The following CMC1 variants were observed in gnomAD, a reference collection of about 807,000 sequenced individuals.
CMC1 encodes COX assembly mitochondrial protein homolog.
A neutral mutation model predicts 14.1 loss-of-function variants in CMC1; 14 were observed. That is an observed-to-expected ratio of 0.99 (90% CI 0.66 to 1.55). The LOEUF is 1.55. Among genes scored for constraint, CMC1 ranks in the 40% most tolerant of loss-of-function variants. The probability of loss-of-function intolerance (pLI) is 0.00; values close to 1 mark genes in which losing one functional copy is unlikely to be tolerated. For missense variants in CMC1, 127 were observed against 123.8 expected (o/e 1.03, Z -0.12); for synonymous variants, 50 against 38.4 (o/e 1.30, Z -1.12).
At chr3:28,276,952 G>A (rs1170666747) in intron 2 of CMC1, among the ~76,000 whole-genome samples, 2 of 152,146 alleles carry the variant, frequency 1.3e-5, no homozygotes, top group African/African-American at 2.4e-5. Flanking sequence ...GCTTCATTTT[G>A]TTACATTTAT....
At chr3:28,259,326 T>C (rs1335177891) in intron 1 of CMC1, among the ~76,000 whole-genome samples, 8 of 152,094 alleles carry the variant, frequency 5.3e-5, no homozygotes, top group African/African-American at 1.4e-4. Flanking sequence ...AATATTACTC[T>C]CTTAATGTAT....
chr3:28,284,522 T>C (rs529367930), intron 2 of CMC1, among the ~76,000 whole-genome samples: 30 of 152,276 alleles, frequency 2.0e-4, no homozygotes, highest in South Asian at 1.9e-3. Context: ...GCATTTTTTT[T>C]CCCAAAGCTT....
At chr3:28,283,792 A>G (rs1476829039) in intron 2 of CMC1, among the ~76,000 whole-genome samples, 1 of 152,182 alleles carries the variant, frequency 6.6e-6, no homozygotes, top group East Asian at 1.9e-4. Flanking sequence ...CTGCAGTTAC[A>G]GTGTCTGCTT....
At chr3:28,279,070 A>G (rs113436180) in intron 2 of CMC1, among the ~76,000 whole-genome samples, 7 of 152,212 alleles carry the variant, frequency 4.6e-5, no homozygotes, top group African/African-American at 1.4e-4. Flanking sequence ...TTCCTTCTGC[A>G]GAAAACTACT....
chr3:28,295,561 A>G (rs1042839536), intron 2 of CMC1, among the ~76,000 whole-genome samples: 3 of 151,670 alleles, frequency 2.0e-5, no homozygotes, highest in African/African-American at 2.4e-5. Context: ...AACTTCCTAC[A>G]CCCCTTAACT....
chr3:28,299,975 A>G (rs1199616275), intron 2 of CMC1, among the ~76,000 whole-genome samples: 3 of 152,188 alleles, frequency 2.0e-5, no homozygotes, highest in Non-Finnish European at 4.4e-5. Context: ...GTAAAATTGT[A>G]AATTCTTTAA....
intron 2 of CMC1, among the ~76,000 whole-genome samples, chr3:28,282,849 A>G (rs1577041444): frequency 6.6e-6 from 1 of 152,190 alleles, no homozygotes; most frequent in Non-Finnish European, 1.5e-5. Flanking sequence ...AACGAATTTA[A>G]CTCTAAGTTC....
intron 2 of CMC1, among the ~76,000 whole-genome samples, chr3:28,270,258 C>T (rs953394886): frequency 1.3e-5 from 2 of 152,084 alleles, no homozygotes; most frequent in African/African-American, 4.8e-5. Context: ...GATTTATATT[C>T]CTTTAGGTAT....
chr3:28,275,414 T>G (rs1316295049), intron 2 of CMC1, among the ~76,000 whole-genome samples: 3 of 151,250 alleles, frequency 2.0e-5, no homozygotes, highest in Non-Finnish European at 4.4e-5. Context: ...CAGACCCTAT[T>G]TACCTGTTTC....
intron 2 of CMC1, among the ~76,000 whole-genome samples, chr3:28,288,941 A>G (rs890826886): frequency 4.0e-5 from 6 of 151,740 alleles, no homozygotes; most frequent in African/African-American, 1.4e-4. Flanking sequence ...CAAATACATA[A>G]TCTTATCTTT....
chr3:28,269,750 G>A (rs888267815), intron 2 of CMC1, among the ~76,000 whole-genome samples: 1 of 152,164 alleles, frequency 6.6e-6, no homozygotes, highest in South Asian at 2.1e-4. Flanking sequence ...ATTTTTAGTA[G>A]AGATGGGGTT....
intron 2 of CMC1, among the ~76,000 whole-genome samples, chr3:28,277,858 T>G (rs1700659616): frequency 6.6e-6 from 1 of 152,128 alleles, no homozygotes; most frequent in Non-Finnish European, 1.5e-5. Context: ...GCAAAATGAT[T>G]GGAGGCAGAA....
chr3:28,313,966 C>G (rs565041110), intron 2 of CMC1, among the ~76,000 whole-genome samples: 5 of 152,184 alleles, frequency 3.3e-5, no homozygotes, highest in African/African-American at 1.2e-4. Flanking sequence ...TACCTTTCTA[C>G]CAAATATTAT....
Position 28,322,987 on chromosome 3 carries a change from CTTCT to C in CMC1, c.*3361_*3364del, listed in dbSNP as rs530162289. 1.3e-4 allele frequency: 20 copies of C among 150,450 alleles called. No homozygotes were observed. The highest frequency in any genetic ancestry group is 9.7e-4 in the East Asian group (5 of 5,138). 9.3% of individuals were successfully genotyped at this position (150,450 alleles called of 1,614,324 possible). A position where few individuals can be genotyped will look rare whatever the true frequency, so the allele number is the denominator to read the frequency against. On this transcript the variant is annotated 3_prime_UTR_variant, in exon 4 of 4. Coordinates refer to ENST00000466830, the MANE Select transcript of CMC1 (RefSeq NM_182523.2). ...TTCCATGTGAAGCCATCTTTATTTC[CTTCT>C]TTATTTCCAAATAATTGGCCACTTA...
At chr3:28,246,922 A>G (rs184652967) in intron 1 of CMC1, among the ~76,000 whole-genome samples, 105 of 151,904 alleles carry the variant, frequency 6.9e-4, no homozygotes, top group Non-Finnish European at 2.1e-4. Flanking sequence ...TACTGTAAGC[A>G]AGAGATTGCT....
chr3:28,272,152 G>T (rs144268556), intron 2 of CMC1, among the ~76,000 whole-genome samples: 1 of 152,118 alleles, frequency 6.6e-6, no homozygotes, highest in African/African-American at 2.4e-5. Flanking sequence ...CTAGATATAG[G>T]ATCATGTCAT....
intron 1 of CMC1, among the ~76,000 whole-genome samples, chr3:28,258,488 CTT>C (rs573808505): frequency 1.5e-5 from 2 of 137,646 alleles, no homozygotes; most frequent in Non-Finnish European, 1.6e-5. Context: ...AAGGGTTTAG[CTT>C]TTTTTTTTTT....
chr3:28,241,630 G>A lies in CMC1; in HGVS notation c.-164G>A. The A allele has an allele frequency of 8.1e-7, 1 of 1,232,034 alleles. No homozygotes were observed. The highest frequency in any genetic ancestry group is 1.0e-6 in the Non-Finnish European group (1 of 987,728). The allele number at this position is 1,232,034 out of a possible 1,614,324, so 76.3% of individuals were successfully genotyped here. A position where few individuals can be genotyped will look rare whatever the true frequency, so the allele number is the denominator to read the frequency against. ...GCGGCGGAAGTAGGAGCCTGGGAAG[G>A]AAGAGGGAACGGGTCCTGGCGGTGC... is the stretch of plus-strand genomic sequence containing the variant. On this transcript the variant is annotated 5_prime_UTR_variant, in exon 1 of 4. Transcript: ENST00000466830.
intron 2 of CMC1, among the ~76,000 whole-genome samples, chr3:28,269,398 T>G (rs184574668): frequency 6.6e-6 from 1 of 152,330 alleles, no homozygotes; most frequent in Non-Finnish European, 1.5e-5. Context: ...AAATGGCTAG[T>G]TTTCTTCTCA....
Sources: gnomAD v4.1 joint callset for allele counts (sites outside exome capture counted in the v4.1 genomes callset) on GRCh38, gnomAD v4.1.1 for gene constraint, MANE v1.5 for transcripts, NCBI Gene and HGNC (gene_info 2026-07-23, HGNC 2026-07-21) for gene names.